The following GABRB2 variants were observed in gnomAD, a reference collection of about 807,000 sequenced individuals.
GABRB2 encodes gamma-aminobutyric acid type A receptor subunit beta2.
GABRB2 carries 16 observed loss-of-function variants against 54.7 expected under a neutral mutation model. The observed-to-expected ratio is 0.29, with a 90% CI of 0.20 to 0.44. The LOEUF is 0.44. Ranked by LOEUF, GABRB2 falls within the 20% of genes least tolerant of loss-of-function variation. GABRB2 has a pLI of 1.00. For synonymous variants in GABRB2, 244 were observed against 233.8 expected (o/e 1.04, Z -0.40); for missense variants, 355 against 644.0 (o/e 0.55, Z 4.86).
intron 4 of GABRB2, among the ~76,000 whole-genome samples, chr5:161,449,690 G>GGT (rs1216647420): frequency 1.3e-5 from 2 of 151,654 alleles, no homozygotes; most frequent in Non-Finnish European, 2.9e-5. Context: ...TGCCCTTATG[G>GGT]GTGTGTGTAC....
intron 7 of GABRB2, among the ~76,000 whole-genome samples, chr5:161,331,513 G>GA (rs1348801543): frequency 6.6e-6 from 1 of 152,072 alleles, no homozygotes; most frequent in Non-Finnish European, 1.5e-5. Flanking sequence ...GCTGATTTCT[G>GA]AAAAATGAGT....
chr5:161,474,799 G>T (rs1222356630), intron 3 of GABRB2, among the ~76,000 whole-genome samples: 3 of 151,836 alleles, frequency 2.0e-5, no homozygotes, highest in East Asian at 1.9e-4. Flanking sequence ...AAATAAATTG[G>T]TTTTTATATC....
chr5:161,473,246 C>A (rs1758497989), intron 3 of GABRB2, among the ~76,000 whole-genome samples: 1 of 151,850 alleles, frequency 6.6e-6, no homozygotes, highest in Non-Finnish European at 1.5e-5. Flanking sequence ...AGATTGTATC[C>A]CTTTGAATGC....
At chr5:161,462,438 A>G (rs1323033424) in intron 3 of GABRB2, among the ~76,000 whole-genome samples, 1 of 152,214 alleles carries the variant, frequency 6.6e-6, no homozygotes, top group Non-Finnish European at 1.5e-5. Context: ...ATATTGTGCT[A>G]GAAAGAACGC....
intron 3 of GABRB2, among the ~76,000 whole-genome samples, chr5:161,497,745 T>C (rs758608010): frequency 7.9e-5 from 12 of 152,082 alleles, no homozygotes; most frequent in Non-Finnish European, 1.8e-4. Flanking sequence ...ACAAGCTAAG[T>C]TCTATTACAG....
chr5:161,531,795 A>G (rs946479924), intron 3 of GABRB2, among the ~76,000 whole-genome samples: 2 of 152,082 alleles, frequency 1.3e-5, no homozygotes, highest in African/African-American at 2.4e-5. Context: ...CAGCTTGCTT[A>G]TATTTCATCA....
In GABRB2 at chr5:161,462,058, C is replaced by T. The variant is rs143969286; in HGVS notation, c.238-2214G>A. On this transcript the variant is annotated intron_variant, in intron 3 of 9. Transcript: ENST00000393959. Reference sequence around the variant, plus strand: ...GTTGTAAAAAATATTTAAATATTTTCTGTGGCTTAGAAAACACACACATTT... The same window carrying T: ...GTTGTAAAAAATATTTAAATATTTTTTGTGGCTTAGAAAACACACACATTT... 7.9e-3 allele frequency among the ~76,000 whole-genome samples: 1,210 copies of T among 152,280 alleles called. 19 individuals carry two copies. Among genetic ancestry groups the T allele is most frequent in the South Asian group, 0.058 (280 of 4,830 alleles).
At chr5:161,464,058 A>G (rs986384087) in intron 3 of GABRB2, among the ~76,000 whole-genome samples, 8 of 152,002 alleles carry the variant, frequency 5.3e-5, no homozygotes, top group Non-Finnish European at 1.0e-4. Context: ...TTAGATACAA[A>G]CCTAAAAGTA....
chr5:161,451,152 C>T (rs778609019), intron 4 of GABRB2, among the ~76,000 whole-genome samples: 1 of 152,124 alleles, frequency 6.6e-6, no homozygotes, highest in Non-Finnish European at 1.5e-5. Flanking sequence ...TCCTGCCTGT[C>T]TAAATTCATT....
intron 3 of GABRB2, among the ~76,000 whole-genome samples, chr5:161,471,829 G>A (rs936902401): frequency 6.6e-6 from 1 of 151,698 alleles, no homozygotes. Context: ...GCTTTTTATT[G>A]CCCTATAAAT....
intron 3 of GABRB2, among the ~76,000 whole-genome samples, chr5:161,526,689 A>G (rs780831442): frequency 6.6e-6 from 1 of 151,408 alleles, no homozygotes; most frequent in African/African-American, 2.4e-5. Flanking sequence ...ATCTTTGTTC[A>G]TTTGGCCAAG....
intron 3 of GABRB2, among the ~76,000 whole-genome samples, chr5:161,525,009 T>C (rs1284553264): frequency 6.6e-6 from 1 of 151,304 alleles, no homozygotes; most frequent in Non-Finnish European, 1.5e-5. Context: ...TACTTTCTAT[T>C]TTATGTTGTA....
intron 3 of GABRB2, among the ~76,000 whole-genome samples, chr5:161,532,491 A>G (rs1760494368): frequency 6.6e-6 from 1 of 152,152 alleles, no homozygotes. Context: ...GTGTAGGCCC[A>G]GAAAATATAA....
At chr5:161,326,197 T>G (rs996554524) in intron 9 of GABRB2, among the ~76,000 whole-genome samples, 171 bp downstream of exon 9, 19 of 152,096 alleles carry the variant, frequency 1.2e-4, no homozygotes, top group African/African-American at 4.3e-4. Context: ...AAAGCAAACC[T>G]AGGAAAGTCC....
chr5:161,524,906 G>A (rs1290645294), intron 3 of GABRB2, among the ~76,000 whole-genome samples: 4 of 151,268 alleles, frequency 2.6e-5, no homozygotes, highest in Middle Eastern at 3.4e-3. Context: ...TAGCTCATTC[G>A]AGTAAAGTCT....
intron 9 of GABRB2, among the ~76,000 whole-genome samples, chr5:161,303,383 C>T (rs971840529): frequency 6.6e-6 from 1 of 152,182 alleles, no homozygotes; most frequent in African/African-American, 2.4e-5. Context: ...TGCCTATCTT[C>T]ACGTTTCCTT....
chr5:161,476,756 G>C (rs896230581), intron 3 of GABRB2, among the ~76,000 whole-genome samples: 4 of 151,792 alleles, frequency 2.6e-5, no homozygotes, highest in African/African-American at 7.2e-5. Flanking sequence ...GAATGAAGTT[G>C]GGCTCTTATT....
chr5:161,401,475 C>A (rs991651238), intron 5 of GABRB2, among the ~76,000 whole-genome samples: 1 of 151,884 alleles, frequency 6.6e-6, no homozygotes, highest in Non-Finnish European at 1.5e-5. Context: ...AACTTACAAC[C>A]GATAGTATTT....
intron 3 of GABRB2, among the ~76,000 whole-genome samples, chr5:161,524,392 T>C (rs1389427534): frequency 6.6e-6 from 1 of 151,894 alleles, no homozygotes; most frequent in Non-Finnish European, 1.5e-5. Flanking sequence ...TTGATATCTA[T>C]AGACAGACAA....
Sources: allele counts gnomAD v4.1 joint callset (sites outside exome capture counted in the v4.1 genomes callset), GRCh38; gene constraint gnomAD v4.1.1; transcripts MANE v1.5; gene names NCBI Gene and HGNC (gene_info 2026-07-23, HGNC 2026-07-21).